The following DYRK1A variants were observed in gnomAD, a reference collection of about 807,000 sequenced individuals.
The protein encoded by DYRK1A is dual specificity tyrosine phosphorylation regulated kinase 1A.
A neutral mutation model predicts 79.7 loss-of-function variants in DYRK1A; 9 were observed. The ratio of observed to expected loss-of-function variants is 0.11; its 90% CI spans 0.07 to 0.20. DYRK1A has a LOEUF of 0.20. Among genes scored for constraint, DYRK1A ranks in the 10% least tolerant of loss-of-function variants. DYRK1A has a pLI of 1.00. For missense variants in DYRK1A, 622 were observed against 956.0 expected, an observed-to-expected ratio of 0.65 and a Z score of 4.61; for synonymous variants, 349 against 329.7, an observed-to-expected ratio of 1.06 and a Z score of -0.63.
intron 2 of DYRK1A, among the ~76,000 whole-genome samples, chr21:37,467,936 A>G (rs1357633054): frequency 1.3e-5 from 2 of 152,182 alleles, no homozygotes; most frequent in Non-Finnish European, 2.9e-5. Context: ...CACTAGCCAC[A>G]TGTGGCTATT....
Position 37,515,639 on chromosome 21 carries a change from A to C in DYRK1A, c.*3108A>C, listed in dbSNP as rs2053872334. 1 of 152,188 alleles carries C rather than the reference A, an allele frequency of 6.6e-6. No homozygotes were observed. The highest frequency in any genetic ancestry group is 6.5e-5 in the Admixed American group (1 of 15,276). 9.4% of individuals were successfully genotyped at this position (152,188 alleles called of 1,614,324 possible). A position where few individuals can be genotyped will look rare whatever the true frequency, so the allele number is the denominator to read the frequency against. On this transcript the variant is annotated 3_prime_UTR_variant, in exon 12 of 12. Coordinates refer to ENST00000647188, the MANE Select transcript of DYRK1A (RefSeq NM_001347721.2). ...CTAACCTAAAGTCTTCTCTTTTTAC[A>C]AATTCACCTGCTTCAGTATATATTA...
chr21:37,416,494 C>T (rs1036236850), intron 1 of DYRK1A, among the ~76,000 whole-genome samples: 1 of 151,654 alleles, frequency 6.6e-6, no homozygotes, highest in Non-Finnish European at 1.5e-5. Context: ...GTGTGTTAGG[C>T]ATCAAAACTG....
chr21:37,448,046 TCTA>T (rs1276796785), intron 2 of DYRK1A, among the ~76,000 whole-genome samples: 2 of 152,192 alleles, frequency 1.3e-5, no homozygotes, highest in Non-Finnish European at 2.9e-5. Flanking sequence ...AGTATTAACT[TCTA>T]CTTAGTAATT....
intron 1 of DYRK1A, among the ~76,000 whole-genome samples, chr21:37,392,045 T>C (rs2049880211): frequency 6.6e-6 from 1 of 152,262 alleles, no homozygotes; most frequent in African/African-American, 2.4e-5. Context: ...TCATAAATGA[T>C]GTTGAGTAAA....
In DYRK1A at chr21:37,512,507, A is replaced by G. The variant is rs893658809; in HGVS notation, c.2241A>G (p.Gln747=). 25 of 1,613,612 alleles carry G rather than the reference A, an allele frequency of 1.5e-5. No homozygotes were observed. The highest frequency in any genetic ancestry group is 1.9e-5 in the Non-Finnish European group (23 of 1,179,632). ...CCCCCATGACAGGAGTTTGTGTGCA[A>G]CAGAGTCCTGTAGCTAGCTCGTGAC... The part of the protein sequence containing the change: ...EESPMTGVCV[Q]QSPVASS Residue 747 remains glutamine (Q), a synonymous_variant, in exon 12 of 12, where the codon CAA becomes CAG. Coordinates refer to ENST00000647188, the MANE Select transcript of DYRK1A (RefSeq NM_001347721.2).
chr21:37,505,486 A>G lies in DYRK1A; in HGVS notation c.1416A>G (p.Lys472=), dbSNP rs546555147. ...YYALQHSFFK[K]TADEGTNTSN... is the part of the protein sequence containing the mutation. The stretch of plus-strand genomic sequence containing the variant: ...CTCTGCAGCACAGTTTCTTCAAGAA[A>G]ACAGCTGATGAAGGTACAAATACAA... Residue 472 remains lysine (K), a synonymous_variant, in exon 10 of 12, where the codon AAA becomes AAG. Transcript: ENST00000647188. The G allele has an allele frequency of 1.5e-5, 25 of 1,614,200 alleles. No individual in the cohort carries two copies. In the South Asian group the frequency reaches 2.6e-4, roughly 17 times the overall value.
chr21:37,418,127 A>C (rs528493993), intron 1 of DYRK1A, among the ~76,000 whole-genome samples: 1 of 152,302 alleles, frequency 6.6e-6, no homozygotes, highest in Non-Finnish European at 1.5e-5. Flanking sequence ...CCTTGTATTA[A>C]CATTTTTGTT....
intron 2 of DYRK1A, among the ~76,000 whole-genome samples, chr21:37,420,708 C>A (rs2050451692): frequency 6.6e-6 from 1 of 152,018 alleles, no homozygotes; most frequent in Admixed American, 6.6e-5. Context: ...CATGTCTCCC[C>A]CAGAACTCTA....
intron 11 of DYRK1A, among the ~76,000 whole-genome samples, chr21:37,509,325 G>T (rs951078455): frequency 2.0e-5 from 3 of 152,060 alleles, no homozygotes; most frequent in African/African-American, 4.8e-5. Context: ...CATATATTTT[G>T]GAGCACTTTC....
intron 6 of DYRK1A, chr21:37,487,235 A>G (rs2052902909): frequency 6.6e-6 from 1 of 152,174 alleles, no homozygotes; most frequent in Non-Finnish European, 1.5e-5. Flanking sequence ...AAGAAGCCCC[A>G]TACCCAGGGT....
intron 1 of DYRK1A, among the ~76,000 whole-genome samples, chr21:37,413,727 C>A (rs1359924442): frequency 6.6e-6 from 1 of 152,130 alleles, no homozygotes; most frequent in Non-Finnish European, 1.5e-5. Flanking sequence ...CATTGGGCCA[C>A]CTCTTCTAAG....
In DYRK1A at chr21:37,511,998, A is replaced by ACAACCT; in HGVS notation, c.1733_1738dup (p.Thr579_Phe580insSerThr). The ACAACCT allele has an allele frequency of 6.2e-7, 1 of 1,614,162 alleles. No individual in the cohort carries two copies. The highest frequency in any genetic ancestry group is 1.1e-5 in the South Asian group (1 of 91,078). ...TGTTGAAACTCATCCTGTTCAAGAA[A>ACAACCT]CAACCTTTCATGTAGCCCCTCAACA... On this transcript the variant is annotated inframe_insertion, in exon 12 of 12. Transcript: ENST00000647188.
intron 1 of DYRK1A, among the ~76,000 whole-genome samples, chr21:37,381,457 T>C (rs2049657258): frequency 6.6e-6 from 1 of 152,168 alleles, no homozygotes. Flanking sequence ...ATAATTGTAG[T>C]AGTTTACTGA....
intron 2 of DYRK1A, among the ~76,000 whole-genome samples, chr21:37,466,506 TCTTTACAA>T (rs1460850703): frequency 6.6e-6 from 1 of 152,134 alleles, no homozygotes; most frequent in African/African-American, 2.4e-5. Context: ...AACCACATAC[TCTTTACAA>T]GAGATAAACC....
chr21:37,472,181 A>G (rs190122821), intron 2 of DYRK1A, among the ~76,000 whole-genome samples: 25 of 152,078 alleles, frequency 1.6e-4, no homozygotes, highest in Non-Finnish European at 2.5e-4. Flanking sequence ...TTTATATCCA[A>G]CCTTTGATTG....
At chr21:37,461,475 G>A (rs1423157551) in intron 2 of DYRK1A, among the ~76,000 whole-genome samples, 1 of 152,018 alleles carries the variant, frequency 6.6e-6, no homozygotes, top group African/African-American at 2.4e-5. Context: ...TTACATTTCT[G>A]GTGCTCTTTA....
At chr21:37,451,280 A>G (rs965701085) in intron 2 of DYRK1A, among the ~76,000 whole-genome samples, 3 of 152,144 alleles carry the variant, frequency 2.0e-5, no homozygotes, top group Non-Finnish European at 2.9e-5. Flanking sequence ...CAATGTCTAT[A>G]AAGTCGACCG....
intron 9 of DYRK1A, among the ~76,000 whole-genome samples, chr21:37,499,879 C>CCTCT (rs748268426): frequency 2.5e-4 from 38 of 152,204 alleles, no homozygotes; most frequent in Non-Finnish European, 4.9e-4. Context: ...TAGAGTCAGC[C>CCTCT]CTCTGTATCT....
intron 2 of DYRK1A, among the ~76,000 whole-genome samples, chr21:37,469,558 A>G (rs2148548225): frequency 6.6e-6 from 1 of 152,326 alleles, no homozygotes; most frequent in South Asian, 2.1e-4. Flanking sequence ...TTCAGGCTGT[A>G]CAGGAAGCAT....
Sources: allele counts gnomAD v4.1 joint callset (sites outside exome capture counted in the v4.1 genomes callset), GRCh38; gene constraint gnomAD v4.1.1; transcripts MANE v1.5; gene names NCBI Gene and HGNC (gene_info 2026-07-23, HGNC 2026-07-21).